The following FAM20C variants were observed in gnomAD, a reference collection of about 807,000 sequenced individuals.
FAM20C encodes extracellular serine/threonine protein kinase FAM20C.
A neutral mutation model predicts 51.5 loss-of-function variants in FAM20C; 40 were observed. That is an observed-to-expected ratio of 0.78 (90% CI 0.60 to 1.01). The LOEUF is 1.01. Ranked by LOEUF, FAM20C falls within the 50% of genes least tolerant of loss-of-function variation. The pLI is 0.00. For synonymous variants in FAM20C, 406 were observed against 380.6 expected, an observed-to-expected ratio of 1.07 and a Z score of -0.78; for missense variants, 861 against 844.7, an observed-to-expected ratio of 1.02 and a Z score of -0.24.
At chr7:216,652 A>T (rs1473706817) in intron 3 of FAM20C, among the ~76,000 whole-genome samples, 17 of 105,360 alleles carry the variant, frequency 1.6e-4, no homozygotes, top group African/African-American at 5.4e-4. Flanking sequence ...AGTGTGTGTG[A>T]GTGTGTGTGT....
At chr7:210,050 C>CG (rs1291405977) in intron 3 of FAM20C, among the ~76,000 whole-genome samples, 1 of 152,150 alleles carries the variant, frequency 6.6e-6, no homozygotes, top group African/African-American at 2.4e-5. Context: ...TGCCTGAGCC[C>CG]GGGCCGAGGG....
chr7:256,994 T>C lies in FAM20C; in HGVS notation c.1364-11T>C, dbSNP rs1268466527. The C allele has an allele frequency of 1.3e-6, 2 of 1,536,848 alleles. No individual in the cohort carries two copies. The highest frequency in any genetic ancestry group is 1.7e-6 in the Non-Finnish European group (2 of 1,146,858). ...CCCACGAGCTGTGACACTTTCTGCCTCTCTCCGCAGGAAACATGGACCGTC... is the reference window on the plus strand; with the variant it reads ...CCCACGAGCTGTGACACTTTCTGCCCCTCTCCGCAGGAAACATGGACCGTC... On this transcript the variant is annotated splice_polypyrimidine_tract_variant and intron_variant, in intron 7 of 9. Transcript: ENST00000313766.
At chr7:226,552 G>A (rs999059898) in intron 3 of FAM20C, among the ~76,000 whole-genome samples, 2 of 152,052 alleles carry the variant, frequency 1.3e-5, no homozygotes, top group African/African-American at 2.4e-5. Context: ...TGTGCCCCCC[G>A]GTCGTGGCCC....
At chr7:205,698 A>C (rs558880038) in intron 2 of FAM20C, among the ~76,000 whole-genome samples, 1 of 152,118 alleles carries the variant, frequency 6.6e-6, no homozygotes, top group Non-Finnish European at 1.5e-5. Flanking sequence ...GCCTGGGGCC[A>C]GTACCAGCTC....
At chr7:250,834 T>G (rs1039366851) in intron 5 of FAM20C, among the ~76,000 whole-genome samples, 14 of 152,210 alleles carry the variant, frequency 9.2e-5, no homozygotes, top group Non-Finnish European at 8.8e-5. Flanking sequence ...TTATTGCAAC[T>G]TTTAGGGTGA....
At chr7:256,151 C>T (rs923448848) in intron 6 of FAM20C, 122 bp downstream of exon 6, 17 of 1,213,626 alleles carry the variant, frequency 1.4e-5, no homozygotes, top group Non-Finnish European at 1.6e-5. Context: ...GCCTGCTGTG[C>T]GATGCTGGCC....
chr7:241,687 C>T (rs1787951181), intron 3 of FAM20C, among the ~76,000 whole-genome samples: 1 of 151,976 alleles, frequency 6.6e-6, no homozygotes, highest in African/African-American at 2.4e-5. Context: ...TGTATCTGTG[C>T]ACATATGTGT....
chr7:228,176 C>A, intron 3 of FAM20C: 1 of 318,884 alleles, frequency 3.1e-6, no homozygotes, highest in Non-Finnish European at 6.2e-6. Flanking sequence ...GAAAGCCATC[C>A]GCCTGGCATG....
At chr7:232,471 G>A (rs1787731354) in intron 3 of FAM20C, among the ~76,000 whole-genome samples, 1 of 152,228 alleles carries the variant, frequency 6.6e-6, no homozygotes, top group African/African-American at 2.4e-5. Flanking sequence ...TGTAGAGCAG[G>A]GGGTCCCGAA....
chr7:256,352 G>GC, intron 6 of FAM20C: 1 of 566,770 alleles, frequency 1.8e-6, no homozygotes, highest in Non-Finnish European at 3.1e-6. Context: ...TGTTCTTTCC[G>GC]CCCCACGTTG....
chr7:253,610 T>C (rs140359139), intron 5 of FAM20C, among the ~76,000 whole-genome samples: 4,445 of 152,324 alleles, frequency 0.029, 81 homozygotes, highest in Middle Eastern at 0.061. Context: ...CGTGGCTTCT[T>C]TGTGTAATTC....
chr7:233,744 G>C (rs1787769510), intron 3 of FAM20C, among the ~76,000 whole-genome samples: 1 of 152,216 alleles, frequency 6.6e-6, no homozygotes, highest in East Asian at 1.9e-4. Context: ...CGCCACGCGA[G>C]GCAGCAGTCA....
At chr7:195,821 T>C (rs1785840186) in intron 2 of FAM20C, 89 bp downstream of exon 2, 1 of 1,273,018 alleles carries the variant, frequency 7.9e-7, no homozygotes, top group African/African-American at 1.5e-5. Context: ...TAGAGAGGTC[T>C]GGGAGGCCGT....
At chr7:245,735 TC>T (rs1303661703) in intron 3 of FAM20C, among the ~76,000 whole-genome samples, 1 of 152,170 alleles carries the variant, frequency 6.6e-6, no homozygotes, top group African/African-American at 2.4e-5. Flanking sequence ...AGGCTCCCCT[TC>T]CCCTGGAGTA....
At chr7:240,324 G>A (rs1425873438) in intron 3 of FAM20C, among the ~76,000 whole-genome samples, 15 of 320 alleles carry the variant, frequency 0.047, no homozygotes, top group South Asian at 0.4. Context: ...GATGATGGTG[G>A]TGGAGGTGAT....
At chr7:205,697 C>G (rs980366802) in intron 2 of FAM20C, among the ~76,000 whole-genome samples, 11 of 152,248 alleles carry the variant, frequency 7.2e-5, no homozygotes, top group African/African-American at 2.6e-4. Context: ...TGCCTGGGGC[C>G]AGTACCAGCT....
chr7:223,416 G>T (rs565380234), intron 3 of FAM20C, among the ~76,000 whole-genome samples: 3 of 152,204 alleles, frequency 2.0e-5, no homozygotes, highest in African/African-American at 4.8e-5. Flanking sequence ...AGAGCCTGCC[G>T]GGGTAGAGGC....
At chr7:223,549 C>T (rs553149050) in intron 3 of FAM20C, among the ~76,000 whole-genome samples, 3 of 152,314 alleles carry the variant, frequency 2.0e-5, no homozygotes, top group East Asian at 3.9e-4. Flanking sequence ...GGGCAGATGC[C>T]GTGGGGCGGA....
chr7:206,966 G>A (rs552657446), intron 2 of FAM20C, among the ~76,000 whole-genome samples: 1 of 52,548 alleles, frequency 1.9e-5, no homozygotes, highest in South Asian at 7.4e-4. Flanking sequence ...CGGCCCCCTC[G>A]GCCCCGCACA....
Sources: gnomAD v4.1 joint callset for allele counts (sites outside exome capture counted in the v4.1 genomes callset) on GRCh38, gnomAD v4.1.1 for gene constraint, MANE v1.5 for transcripts, NCBI Gene and HGNC (gene_info 2026-07-23, HGNC 2026-07-21) for gene names.